The following ADORA2B variants were observed in gnomAD, a reference collection of about 807,000 sequenced individuals.
ADORA2B encodes adenosine receptor A2b.
In ADORA2B, 18 loss-of-function variants were observed where a neutral mutation model predicts 20.8. That is an observed-to-expected ratio of 0.87 (90% CI 0.60 to 1.29). The LOEUF (loss-of-function observed/expected upper bound fraction) is 1.29. Among genes scored for constraint, ADORA2B ranks in the 50% most tolerant of loss-of-function variants. The pLI is 0.00. For synonymous variants in ADORA2B, 179 were observed against 178.3 expected (o/e 1.00, Z -0.03); for missense variants, 441 against 422.7 (o/e 1.04, Z -0.38).
chr17:15,965,866 T>C (rs1301371662), intron 1 of ADORA2B, among the ~76,000 whole-genome samples: 1 of 152,266 alleles, frequency 6.6e-6, no homozygotes, highest in East Asian at 1.9e-4. Context: ...TGCACTGTCT[T>C]GGCACCTGTC....
the ADORA2B span, among the ~76,000 whole-genome samples, chr17:15,866,742 T>TGCCGCTGCCGCTGCCGCTGCCTCTGCCG: frequency 8.4e-6 from 1 of 119,728 alleles, no homozygotes; most frequent in African/African-American, 3.7e-5. Flanking sequence ...TGCCTCTGCC[T>TGCCGCTGCCGCTGCCGCTGCCTCTGCCG]CTGCCGCTGC....
At chr17:15,915,337 T>C in the ADORA2B span, among the ~76,000 whole-genome samples, 1 of 152,354 alleles carries the variant, frequency 6.6e-6, no homozygotes, top group East Asian at 1.9e-4. Context: ...GAATCCAGGC[T>C]ATTCTCTCTA....
chr17:15,963,040 G>A (rs922769059), intron 1 of ADORA2B, among the ~76,000 whole-genome samples: 2 of 152,170 alleles, frequency 1.3e-5, no homozygotes, highest in African/African-American at 4.8e-5. Context: ...GATTTGGGTA[G>A]ATTTGCTCAG....
chr17:15,945,246 G>T lies in ADORA2B; in HGVS notation c.-3G>T, dbSNP rs1969784156. The T allele has an allele frequency of 1.4e-6, 2 of 1,426,092 alleles. No homozygotes were observed. Among genetic ancestry groups the T allele is most frequent in the Non-Finnish European group, 1.8e-6 (2 of 1,095,402 alleles). The allele number at this position is 1,426,092 out of a possible 1,614,324, so 88.3% of individuals were successfully genotyped here. The stretch of plus-strand genomic sequence containing the variant: ...GGGCGCCCGGGGCCCAGCTGGCCCG[G>T]CCATGCTGCTGGAGACACAGGACGC... On this transcript the variant is annotated 5_prime_UTR_variant, in exon 1 of 2. Coordinates refer to ENST00000304222, the MANE Select transcript of ADORA2B (RefSeq NM_000676.4).
At chr17:15,963,115 A>T (rs915791173) in intron 1 of ADORA2B, among the ~76,000 whole-genome samples, 5 of 152,078 alleles carry the variant, frequency 3.3e-5, no homozygotes, top group Non-Finnish European at 7.4e-5. Flanking sequence ...TTTTTTTAAT[A>T]AAAAATAGTG....
At chr17:15,897,558 ACT>A in the ADORA2B span, among the ~76,000 whole-genome samples, 1 of 151,974 alleles carries the variant, frequency 6.6e-6, no homozygotes, top group Non-Finnish European at 1.5e-5. Flanking sequence ...ACAGAGTGAG[ACT>A]CTGTCTCAAA....
the ADORA2B span, among the ~76,000 whole-genome samples, chr17:15,913,927 G>A: frequency 6.6e-6 from 1 of 152,256 alleles, no homozygotes; most frequent in African/African-American, 2.4e-5. Context: ...CCTGGCCACT[G>A]TTTGAAAAGT....
At chr17:15,868,319 T>C in the ADORA2B span, among the ~76,000 whole-genome samples, 49 of 136,070 alleles carry the variant, frequency 3.6e-4, 6 homozygotes, top group African/African-American at 1.2e-3. Context: ...ACTATTGTCC[T>C]GTGACCCTGC....
At chr17:15,910,955 T>G in the ADORA2B span, among the ~76,000 whole-genome samples, 1 of 152,234 alleles carries the variant, frequency 6.6e-6, no homozygotes, top group Non-Finnish European at 1.5e-5. Flanking sequence ...GGCACCGTTT[T>G]GAAAACTGGT....
chr17:15,918,506 C>T, the ADORA2B span, among the ~76,000 whole-genome samples: 1 of 152,340 alleles, frequency 6.6e-6, no homozygotes, highest in South Asian at 2.1e-4. Flanking sequence ...CAGCCTTGCT[C>T]TGCCACTCAG....
At chr17:15,917,769 A>C in the ADORA2B span, among the ~76,000 whole-genome samples, 1 of 152,134 alleles carries the variant, frequency 6.6e-6, no homozygotes, top group Non-Finnish European at 1.5e-5. Context: ...TCAACAGACG[A>C]CCGCTCCGGG....
intron 1 of ADORA2B, among the ~76,000 whole-genome samples, chr17:15,945,884 G>A (rs1379185859): frequency 1.3e-5 from 2 of 151,950 alleles, no homozygotes; most frequent in Non-Finnish European, 2.9e-5. Context: ...CGGGGAAAGC[G>A]TCACCCCCGG....
the ADORA2B span, among the ~76,000 whole-genome samples, chr17:15,874,723 T>C: frequency 6.0e-5 from 9 of 149,304 alleles, no homozygotes; most frequent in East Asian, 1.2e-3. Context: ...ATGATGAATA[T>C]CACTTATCGT....
intron 1 of ADORA2B, among the ~76,000 whole-genome samples, chr17:15,964,454 A>C (rs904453253): frequency 2.6e-5 from 4 of 151,372 alleles, no homozygotes; most frequent in African/African-American, 4.9e-5. Context: ...TAAAAATACA[A>C]AAAAATTAAC....
At chr17:15,884,492 G>T in the ADORA2B span, among the ~76,000 whole-genome samples, 1 of 152,088 alleles carries the variant, frequency 6.6e-6, no homozygotes, top group Non-Finnish European at 1.5e-5. Flanking sequence ...TTGCTGCACA[G>T]ATCAACAAAT....
chr17:15,872,040 C>T, the ADORA2B span, among the ~76,000 whole-genome samples: 1 of 152,028 alleles, frequency 6.6e-6, no homozygotes. Flanking sequence ...ACATCTTGTT[C>T]GAGTCCATTT....
chr17:15,951,545 G>C (rs72821741), intron 1 of ADORA2B, among the ~76,000 whole-genome samples: 35 of 152,356 alleles, frequency 2.3e-4, no homozygotes, highest in African/African-American at 8.2e-4. Context: ...TTATAATCCT[G>C]CTGGGGCCTC....
chr17:15,967,521 G>A lies in ADORA2B; in HGVS notation c.336-7158G>A, dbSNP rs561527091. 2.6e-5 allele frequency among the ~76,000 whole-genome samples: 4 copies of A among 152,192 alleles called. No individual in the cohort carries two copies. In the South Asian group the frequency reaches 6.2e-4, roughly 24 times the overall value. On this transcript the variant is annotated intron_variant, in intron 1 of 1. Coordinates refer to ENST00000304222, the MANE Select transcript of ADORA2B (RefSeq NM_000676.4). ...GCTGGGATTACAGGCGTGAGCCACC[G>A]CGCCCAGCCAAAGGGACAGATTATT...
the ADORA2B span, among the ~76,000 whole-genome samples, chr17:15,913,653 T>C: frequency 6.6e-6 from 1 of 152,252 alleles, no homozygotes; most frequent in Non-Finnish European, 1.5e-5. Flanking sequence ...CATTGTAACT[T>C]GACTCACCTG....
Sources: allele counts gnomAD v4.1 joint callset (sites outside exome capture counted in the v4.1 genomes callset), GRCh38; gene constraint gnomAD v4.1.1; transcripts MANE v1.5; gene names NCBI Gene and HGNC (gene_info 2026-07-23, HGNC 2026-07-21).